The following CNTNAP2 variants were observed in gnomAD, a reference collection of about 807,000 sequenced individuals.
CNTNAP2 encodes the protein contactin associated protein 2.
Under a neutral mutation model 155.2 loss-of-function variants are expected in CNTNAP2, and 98 were observed. That is an observed-to-expected ratio of 0.63 (90% confidence interval 0.54 to 0.75). The LOEUF is 0.75. Among genes scored for constraint, CNTNAP2 ranks in the 30% least tolerant of loss-of-function variants. The pLI is 0.00. For synonymous variants in CNTNAP2, 651 were observed against 631.2 expected (o/e 1.03, Z -0.47); for missense variants, 1,727 against 1,688.1 (o/e 1.02, Z -0.40).
At chr7:146,906,351 G>C (rs1339143955) in intron 3 of CNTNAP2, among the ~76,000 whole-genome samples, 1 of 152,160 alleles carries the variant, frequency 6.6e-6, no homozygotes, top group Non-Finnish European at 1.5e-5. Flanking sequence ...TGGGGGCAGG[G>C]CACAGACAAA....
intron 3 of CNTNAP2, among the ~76,000 whole-genome samples, chr7:146,936,223 A>G (rs1455319608): frequency 1.3e-5 from 2 of 152,168 alleles, no homozygotes; most frequent in Admixed American, 6.5e-5. Flanking sequence ...GTTTGGACTG[A>G]GCTCAATCAC....
At chr7:147,681,795 AAG>A (rs150632064) in intron 13 of CNTNAP2, among the ~76,000 whole-genome samples, 2,473 of 149,646 alleles carry the variant, frequency 0.017, 218 homozygotes, top group Admixed American at 0.15. Flanking sequence ...AGTATTTTGC[AAG>A]AGAGAGAGAG....
chr7:146,978,055 C>T (rs1232793611), intron 3 of CNTNAP2, among the ~76,000 whole-genome samples: 1 of 152,094 alleles, frequency 6.6e-6, no homozygotes, highest in African/African-American at 2.4e-5. Flanking sequence ...CTTGTTTCTT[C>T]CTGTAGAATG....
chr7:147,617,695 C>T (rs1362173236), intron 12 of CNTNAP2, among the ~76,000 whole-genome samples: 2 of 152,076 alleles, frequency 1.3e-5, no homozygotes, highest in Non-Finnish European at 2.9e-5. Flanking sequence ...TAGGAAAACA[C>T]ATTTCTATTA....
intron 10 of CNTNAP2, among the ~76,000 whole-genome samples, chr7:147,472,369 C>T (rs1007376916): frequency 3.3e-5 from 5 of 151,812 alleles, no homozygotes; most frequent in Non-Finnish European, 5.9e-5. Flanking sequence ...TGCCCCACCA[C>T]GCCTGGCTAA....
intron 16 of CNTNAP2, among the ~76,000 whole-genome samples, chr7:148,140,193 A>G (rs1000069072): frequency 6.6e-6 from 1 of 152,146 alleles, no homozygotes; most frequent in Non-Finnish European, 1.5e-5. Flanking sequence ...CTTTCCTGGA[A>G]CGGGTGTGTA....
intron 12 of CNTNAP2, among the ~76,000 whole-genome samples, chr7:147,624,123 T>TTCAAAAA (rs1401186910): frequency 1.3e-5 from 2 of 152,010 alleles, no homozygotes; most frequent in African/African-American, 2.4e-5. Flanking sequence ...AAATAAAGAC[T>TTCAAAAA]TAAAGCAAAG....
intron 8 of CNTNAP2, among the ~76,000 whole-genome samples, chr7:147,278,058 G>T (rs1293064525): frequency 6.8e-6 from 1 of 147,786 alleles, no homozygotes; most frequent in Non-Finnish European, 1.5e-5. Flanking sequence ...TGGGTTTAAA[G>T]ATAGAAATAT....
chr7:148,315,320 TA>T (rs1342097362), intron 21 of CNTNAP2, among the ~76,000 whole-genome samples: 27 of 151,842 alleles, frequency 1.8e-4, no homozygotes, highest in Non-Finnish European at 2.4e-4. Context: ...CAAAGGGAGA[TA>T]GGGGTGAGGC....
chr7:147,440,784 C>T (rs557154721), intron 10 of CNTNAP2, among the ~76,000 whole-genome samples: 10 of 152,144 alleles, frequency 6.6e-5, no homozygotes, highest in Middle Eastern at 3.4e-3. Flanking sequence ...ATATGTCATA[C>T]GACTCTCTTC....
chr7:146,523,863 C>A (rs1052883423), intron 1 of CNTNAP2, among the ~76,000 whole-genome samples: 4 of 152,058 alleles, frequency 2.6e-5, no homozygotes, highest in African/African-American at 9.7e-5. Context: ...CATATTTGTG[C>A]AACTGATTTT....
intron 1 of CNTNAP2, among the ~76,000 whole-genome samples, chr7:146,122,069 G>A (rs933540498): frequency 6.6e-6 from 1 of 152,114 alleles, no homozygotes; most frequent in East Asian, 1.9e-4. Flanking sequence ...AGAAATGTCC[G>A]TCTATCACAC....
chr7:147,897,951 G>A (rs182375316), intron 13 of CNTNAP2, among the ~76,000 whole-genome samples: 66 of 152,310 alleles, frequency 4.3e-4, no homozygotes, highest in African/African-American at 1.4e-3. Flanking sequence ...AGGCACAGGT[G>A]GACAGAAGAC....
At chr7:146,494,413 T>C (rs1458143786) in intron 1 of CNTNAP2, among the ~76,000 whole-genome samples, 1 of 151,996 alleles carries the variant, frequency 6.6e-6, no homozygotes, top group African/African-American at 2.4e-5. Flanking sequence ...CTAAAAGTTA[T>C]GAAAATATTG....
At chr7:146,534,307 A>G (rs1797814146) in intron 1 of CNTNAP2, among the ~76,000 whole-genome samples, 1 of 152,144 alleles carries the variant, frequency 6.6e-6, no homozygotes, top group African/African-American at 2.4e-5. Context: ...GAAGTAAAAT[A>G]TGCAGAGTGC....
intron 15 of CNTNAP2, among the ~76,000 whole-genome samples, chr7:148,028,733 C>T (rs1585086037): frequency 6.6e-6 from 1 of 152,296 alleles, no homozygotes; most frequent in East Asian, 1.9e-4. Context: ...AACCCAGGTT[C>T]ACATGGGTCC....
intron 13 of CNTNAP2, among the ~76,000 whole-genome samples, chr7:147,877,157 A>G (rs1799436721): frequency 6.6e-6 from 1 of 152,162 alleles, no homozygotes; most frequent in South Asian, 2.1e-4. Context: ...TTGTTTGGCC[A>G]TGATCATGGA....
intron 13 of CNTNAP2, among the ~76,000 whole-genome samples, chr7:147,772,021 A>T (rs1220719300): frequency 6.6e-6 from 1 of 152,164 alleles, no homozygotes; most frequent in Non-Finnish European, 1.5e-5. Flanking sequence ...AAAAAATTTC[A>T]GTGAGAGACT....
At chr7:147,059,889 A>T (rs1350912003) in intron 4 of CNTNAP2, among the ~76,000 whole-genome samples, 1 of 152,126 alleles carries the variant, frequency 6.6e-6, no homozygotes, top group East Asian at 1.9e-4. Context: ...ACAGATTCAT[A>T]GAAAGAATGG....
Sources: allele counts gnomAD v4.1 joint callset (sites outside exome capture counted in the v4.1 genomes callset), GRCh38; gene constraint gnomAD v4.1.1; transcripts MANE v1.5; gene names NCBI Gene and HGNC (gene_info 2026-07-23, HGNC 2026-07-21).